Variants in AACS observed in about 807,000 individuals in gnomAD.
The protein encoded by AACS is acetoacetyl-CoA synthetase.
AACS carries 69 observed loss-of-function variants against 83.1 expected under a neutral mutation model. That is an observed-to-expected ratio of 0.83 (90% CI 0.68 to 1.01). AACS has a LOEUF of 1.01. Ranked by LOEUF, AACS falls within the 50% of genes least tolerant of loss-of-function variation. The probability of loss-of-function intolerance (pLI) is 0.00; values close to 1 mark genes in which losing one functional copy is unlikely to be tolerated. For missense variants in AACS, 866 were observed against 882.2 expected, an observed-to-expected ratio of 0.98 and a Z score of 0.23; for synonymous variants, 333 against 343.4, an observed-to-expected ratio of 0.97 and a Z score of 0.33.
rs375449037 is a variant in AACS at position 125,091,460 on chromosome 12, G to C, written c.507G>C (p.Ala169=). The change falls in exon 5 of 18, where the codon GCG becomes GCC. Residue 169 remains alanine, a synonymous_variant. Transcript: ENST00000316519. ...CCAACAGTGAGCACGCTGTCGAGGC[G>C]ATGCTGGCTGCGGCAAGCATTGGTG... ...YLPNSEHAVE[A]MLAAASIGAI... The C allele has an allele frequency of 6.2e-7, 1 of 1,614,238 alleles. No individual in the cohort carries two copies. The highest frequency in any genetic ancestry group is 8.5e-7 in the Non-Finnish European group (1 of 1,180,048).
intron 17 of AACS, among the ~76,000 whole-genome samples, chr12:125,137,554 C>G (rs974953081): frequency 2.6e-5 from 4 of 152,214 alleles, no homozygotes; most frequent in African/African-American, 9.6e-5. Context: ...CTGGTACAGA[C>G]AAGACTTGAC....
At chr12:125,084,465 A>G (rs1956281495) in intron 3 of AACS, among the ~76,000 whole-genome samples, 1 of 150,640 alleles carries the variant, frequency 6.6e-6, no homozygotes, top group Admixed American at 6.6e-5. Flanking sequence ...GTGCAGTGGT[A>G]CGAACATAGG....
chr12:125,118,606 C>T (rs35814268), intron 9 of AACS, 35 bp from the exon 10 acceptor site: 339,588 of 1,610,972 alleles, frequency 0.21, 38,200 homozygotes, highest in South Asian at 0.3. Flanking sequence ...AGCTGCCTAG[C>T]GCCCGCTGAA....
intron 7 of AACS, among the ~76,000 whole-genome samples, chr12:125,103,913 G>A (rs998386844): frequency 5.6e-5 from 8 of 143,852 alleles, no homozygotes; most frequent in South Asian, 2.2e-4. Context: ...GCGTGAATCC[G>A]GGAGGAGGAG....
chr12:125,102,726 T>C lies in AACS; in HGVS notation c.618T>C (p.Ser206=). The C allele has an allele frequency of 6.2e-7, 1 of 1,614,200 alleles. No homozygotes were observed. Among genetic ancestry groups the C allele is most frequent in the Non-Finnish European group, 8.5e-7 (1 of 1,180,024 alleles). Residue 206 remains serine, a synonymous_variant, in exon 6 of 18, where the codon TCT becomes TCC. Coordinates refer to ENST00000316519, the MANE Select transcript of AACS (RefSeq NM_023928.5). ...FSQIQPKLIF[S]VEAVVYNGKE... ...AAATTCAGCCAAAGCTCATCTTCTCTGTGGAGGCTGTTGTCTATAATGGCA... is the reference window on the plus strand; with the variant it reads ...AAATTCAGCCAAAGCTCATCTTCTCCGTGGAGGCTGTTGTCTATAATGGCA...
At chr12:125,093,746 A>G (rs114460869) in intron 5 of AACS, among the ~76,000 whole-genome samples, 1,950 of 152,274 alleles carry the variant, frequency 0.013, 48 homozygotes, top group African/African-American at 0.045. Flanking sequence ...CCTCCTGCTG[A>G]GATGCTTCTC....
chr12:125,140,167 G>C lies in AACS; in HGVS notation c.1882-1925G>C, dbSNP rs1957460728. 1 of 152,238 alleles carries C rather than the reference G, an allele frequency of 6.6e-6. No homozygotes were observed. Among genetic ancestry groups the C allele is most frequent in the African/African-American group, 2.4e-5 (1 of 41,452 alleles). 9.4% of individuals were successfully genotyped at this position (152,238 alleles called of 1,614,324 possible). ...AGCCATGGCTGTCCCAAGTCCAGCG[G>C]GCCTTTGCTCGGGTCATGGCTGGGA... On this transcript the variant is annotated intron_variant, in intron 17 of 17. Coordinates refer to ENST00000316519, the MANE Select transcript of AACS (RefSeq NM_023928.5). The surrounding 1 kb of genome is among the most constrained non-coding windows in gnomAD (Gnocchi z 5.1).
chr12:125,129,360 C>T lies in AACS; in HGVS notation c.1449C>T (p.Gly483=), dbSNP rs779201005. The change falls in exon 14 of 18, where the codon GGC becomes GGT. Residue 483 remains glycine (G), a synonymous_variant. Transcript: ENST00000316519. The surrounding 1 kb of genome is among the most constrained non-coding windows in gnomAD (Gnocchi z 4.3). ...EEGKAVWGES[G]ELVCTKPIPC... is the part of the protein sequence containing the mutation. ...GAAAGGCGGTCTGGGGAGAGAGCGG[C>T]GAGCTGGTGTGTACTAAGCCGATCC... The T allele has an allele frequency of 5.5e-5, 89 of 1,613,340 alleles. No individual in the cohort carries two copies. Among genetic ancestry groups the T allele is most frequent in the South Asian group, 3.0e-4 (27 of 91,018 alleles).
intron 4 of AACS, among the ~76,000 whole-genome samples, chr12:125,090,746 C>T (rs1298900180): frequency 1.3e-5 from 2 of 152,166 alleles, no homozygotes; most frequent in African/African-American, 4.8e-5. Flanking sequence ...CATCCATCTG[C>T]CAGCCGGCAA....
At chr12:125,073,597 C>G (rs1439070996) in intron 1 of AACS, among the ~76,000 whole-genome samples, 1 of 152,200 alleles carries the variant, frequency 6.6e-6, no homozygotes, top group Non-Finnish European at 1.5e-5. Flanking sequence ...TGAACCCGGG[C>G]ATTTGGGCTC....
intron 8 of AACS, among the ~76,000 whole-genome samples, chr12:125,110,990 A>G (rs1244473222): frequency 6.6e-6 from 1 of 152,166 alleles, no homozygotes; most frequent in East Asian, 1.9e-4. Flanking sequence ...TTGAAGGTCC[A>G]AGAGCCTGTC....
At chr12:125,141,711 G>GA (rs59709644) in intron 17 of AACS, 17 of 87,502 alleles carry the variant, frequency 1.9e-4, no homozygotes, top group South Asian at 8.0e-4. Flanking sequence ...AAAAAAAAAA[G>GA]AAAAAAAAAG....
chr12:125,103,306 C>T (rs895499662), intron 7 of AACS, among the ~76,000 whole-genome samples: 2 of 152,204 alleles, frequency 1.3e-5, no homozygotes, highest in African/African-American at 2.4e-5. Flanking sequence ...CCCAGGCACC[C>T]TCACTCTTCC....
chr12:125,104,164 G>A (rs1452152387), intron 7 of AACS, among the ~76,000 whole-genome samples: 2 of 152,008 alleles, frequency 1.3e-5, no homozygotes, highest in East Asian at 1.9e-4. Flanking sequence ...GAGCTCAGGC[G>A]TTTACCCCCA....
chr12:125,075,793 C>T (rs559968998), intron 2 of AACS, among the ~76,000 whole-genome samples: 7 of 149,764 alleles, frequency 4.7e-5, no homozygotes, highest in Middle Eastern at 3.5e-3. Flanking sequence ...GGAGTTTCAC[C>T]GTGTTAGCCA....
chr12:125,120,382 G>A (rs1191634374), intron 10 of AACS: 1 of 152,114 alleles, frequency 6.6e-6, no homozygotes, highest in Non-Finnish European at 1.5e-5. Flanking sequence ...CTGTTCTTGG[G>A]GGAAACAGGA....
chr12:125,142,175 G>T lies in AACS; in HGVS notation c.1965G>T (p.Ser655=). 6.2e-7 allele frequency: 1 copy of T among 1,614,170 alleles called. No homozygotes were observed. Among genetic ancestry groups the T allele is most frequent in the Non-Finnish European group, 8.5e-7 (1 of 1,180,038 alleles). ...GKAVEQGGAF[S]NPETLDLYRD... Reference sequence around the variant, plus strand: ...CCGTGGAGCAAGGAGGTGCTTTCTCGAACCCCGAGACCCTGGATCTGTACC... The same window carrying T: ...CCGTGGAGCAAGGAGGTGCTTTCTCTAACCCCGAGACCCTGGATCTGTACC... The change falls in exon 18 of 18, where the codon TCG becomes TCT. Residue 655 remains serine (S), a synonymous_variant. Transcript: ENST00000316519.
chr12:125,085,555 C>T (rs763000117), intron 3 of AACS, among the ~76,000 whole-genome samples: 8 of 149,316 alleles, frequency 5.4e-5, no homozygotes, highest in Admixed American at 2.0e-4. Context: ...ATCTGTTTCA[C>T]GGAATCACGC....
chr12:125,117,304 C>T (rs1957071822), intron 9 of AACS, among the ~76,000 whole-genome samples: 1 of 151,856 alleles, frequency 6.6e-6, no homozygotes, highest in Non-Finnish European at 1.5e-5. Context: ...ATCCCAGCTA[C>T]TTGGGAGGCT....
Sources: gnomAD v4.1 joint callset for allele counts (sites outside exome capture counted in the v4.1 genomes callset) on GRCh38, gnomAD v4.1.1 for gene constraint, Gnocchi (gnomAD v3.1) non-coding constraint, MANE v1.5 for transcripts, NCBI Gene and HGNC (gene_info 2026-07-23, HGNC 2026-07-21) for gene names.